NOL4: variants seen among roughly 807,000 people sequenced by gnomAD.
NOL4 encodes cancer/testis antigen 125.
A neutral mutation model predicts 75.9 loss-of-function variants in NOL4; 17 were observed. The ratio of observed to expected loss-of-function variants is 0.22; its 90% confidence interval spans 0.15 to 0.34. The LOEUF is 0.34. NOL4 is among the 10% of genes least tolerant of loss of function. NOL4 has a pLI of 1.00. For missense variants in NOL4, 614 were observed against 793.5 expected, an observed-to-expected ratio of 0.77 and a Z score of 2.72; for synonymous variants, 292 against 289.9, an observed-to-expected ratio of 1.01 and a Z score of -0.07.
intron 5 of NOL4, among the ~76,000 whole-genome samples, chr18:34,072,059 C>A (rs1431172235): frequency 1.3e-5 from 2 of 152,036 alleles, no homozygotes; most frequent in African/African-American, 4.8e-5. Context: ...GGTGAAACCA[C>A]ATCTCTATTA....
chr18:34,067,563 G>A (rs1038485060), intron 5 of NOL4, among the ~76,000 whole-genome samples: 4 of 152,128 alleles, frequency 2.6e-5, no homozygotes, highest in African/African-American at 4.8e-5. Context: ...GTAGAGACTC[G>A]AAAGTGGAGA....
chr18:34,184,498 A>C (rs1306029758), intron 1 of NOL4, among the ~76,000 whole-genome samples: 1 of 152,064 alleles, frequency 6.6e-6, no homozygotes, highest in African/African-American at 2.4e-5. Context: ...CAAAACAAAG[A>C]AAAAGAACAT....
At chr18:33,920,088 A>G (rs1007445598) in intron 9 of NOL4, among the ~76,000 whole-genome samples, 2 of 152,144 alleles carry the variant, frequency 1.3e-5, no homozygotes, top group Non-Finnish European at 2.9e-5. Flanking sequence ...TTGATTTTAG[A>G]TTACTGTAAT....
At chr18:33,980,084 A>T (rs2071826730) in intron 6 of NOL4, among the ~76,000 whole-genome samples, 2 of 152,054 alleles carry the variant, frequency 1.3e-5, no homozygotes, top group African/African-American at 4.8e-5. Context: ...GTTGAAAAAT[A>T]AACAATTTTT....
intron 1 of NOL4, among the ~76,000 whole-genome samples, chr18:34,193,116 A>G (rs1237845757): frequency 6.6e-6 from 1 of 152,178 alleles, no homozygotes; most frequent in African/African-American, 2.4e-5. Flanking sequence ...TTAACACAAA[A>G]TTATTAAAGA....
intron 4 of NOL4, among the ~76,000 whole-genome samples, chr18:34,100,899 C>A (rs995260476): frequency 6.6e-6 from 1 of 152,122 alleles, no homozygotes. Flanking sequence ...TAATGAAGAG[C>A]TCACATGAAC....
intron 5 of NOL4, among the ~76,000 whole-genome samples, chr18:34,082,554 T>C (rs1473726657): frequency 6.6e-6 from 1 of 152,184 alleles, no homozygotes; most frequent in Non-Finnish European, 1.5e-5. Flanking sequence ...TGAGAGTTTA[T>C]ATGGTTTTTA....
At chr18:34,178,380 C>A (rs1176951301) in intron 1 of NOL4, among the ~76,000 whole-genome samples, 4 of 151,506 alleles carry the variant, frequency 2.6e-5, no homozygotes, top group Non-Finnish European at 5.9e-5. Flanking sequence ...AAAATAGAAG[C>A]AGGTTATTTT....
At chr18:34,040,446 A>G (rs2076092149) in intron 5 of NOL4, among the ~76,000 whole-genome samples, 1 of 151,964 alleles carries the variant, frequency 6.6e-6, no homozygotes. Flanking sequence ...GATTGAAGCT[A>G]TTTTCCTGAG....
intron 1 of NOL4, among the ~76,000 whole-genome samples, chr18:34,218,135 T>C (rs1478787430): frequency 6.6e-6 from 1 of 151,872 alleles, no homozygotes; most frequent in African/African-American, 2.4e-5. Flanking sequence ...AGTGAAAGTC[T>C]TAGCAAACAC....
intron 10 of NOL4, among the ~76,000 whole-genome samples, chr18:33,872,695 T>G (rs1211827397): frequency 6.6e-6 from 1 of 151,992 alleles, no homozygotes; most frequent in African/African-American, 2.4e-5. Flanking sequence ...TTTTGCCTAT[T>G]GAAAACTTGA....
intron 9 of NOL4, among the ~76,000 whole-genome samples, chr18:33,939,943 A>T (rs1341885725): frequency 6.6e-6 from 1 of 152,112 alleles, no homozygotes; most frequent in East Asian, 1.9e-4. Context: ...CAACAAACAT[A>T]TGAAAAAAAG....
chr18:34,036,767 T>C (rs1179647712), intron 5 of NOL4, among the ~76,000 whole-genome samples: 2 of 152,000 alleles, frequency 1.3e-5, no homozygotes, highest in East Asian at 1.9e-4. Flanking sequence ...CTACTAAAAA[T>C]AGAAAAATTA....
rs189849311 is a variant in NOL4, at chr18:34,176,295, G to C, written c.265-46275C>G. 3.3e-5 allele frequency among the ~76,000 whole-genome samples: 5 copies of C among 151,648 alleles called. No individual in the cohort carries two copies. In the East Asian group the frequency reaches 7.7e-4, roughly 23 times the overall value. ...ATTATTATCTGAGGAACAAAAACAA[G>C]AATAACAAAGAAAAGTGAACAGAAC... On this transcript the variant is annotated intron_variant, in intron 1 of 10. Transcript: ENST00000261592.
chr18:34,080,676 G>T (rs1600513616), intron 5 of NOL4, among the ~76,000 whole-genome samples: 1 of 152,230 alleles, frequency 6.6e-6, no homozygotes, highest in East Asian at 1.9e-4. Flanking sequence ...TTGCTACACT[G>T]CCCAGGCTGG....
At chr18:33,911,580 C>T (rs1262529127) in intron 9 of NOL4, among the ~76,000 whole-genome samples, 2 of 152,054 alleles carry the variant, frequency 1.3e-5, no homozygotes, top group Non-Finnish European at 1.5e-5. Flanking sequence ...CATGCATTTG[C>T]TATTTACTTC....
In NOL4 at chr18:33,870,168, TAGTG is replaced by T. The variant is rs1464087611; in HGVS notation, c.1723+13072_1723+13075del. 3.9e-5 allele frequency among the ~76,000 whole-genome samples: 6 copies of T among 152,224 alleles called. No homozygotes were observed. The East Asian group carries it at 1.2e-3, about 29-fold the overall frequency. On this transcript the variant is annotated intron_variant, in intron 10 of 10. Transcript: ENST00000261592. The stretch of plus-strand genomic sequence containing the variant: ...AGCATTACCTCACCTAGTTATTTTG[TAGTG>T]AGAACATTTTACTTCTACTCACTTA...
At chr18:34,178,678 TAAC>T (rs1158947388) in intron 1 of NOL4, among the ~76,000 whole-genome samples, 3 of 151,654 alleles carry the variant, frequency 2.0e-5, no homozygotes, top group African/African-American at 7.2e-5. Context: ...TATGTGTACT[TAAC>T]AACAGAGCCA....
intron 5 of NOL4, among the ~76,000 whole-genome samples, chr18:34,060,146 A>AATTATAAT (rs2077012499): frequency 6.6e-6 from 1 of 152,206 alleles, no homozygotes; most frequent in South Asian, 2.1e-4. Flanking sequence ...AGCAATAAGT[A>AATTATAAT]ATTATAATAT....
Sources: allele counts gnomAD v4.1 joint callset (sites outside exome capture counted in the v4.1 genomes callset), GRCh38; gene constraint gnomAD v4.1.1; transcripts MANE v1.5; gene names NCBI Gene and HGNC (gene_info 2026-07-23, HGNC 2026-07-21).